LONP1: variants seen among roughly 807,000 people sequenced by gnomAD.
The protein encoded by LONP1 is lon peptidase 1, mitochondrial, also known as lon protease homolog, mitochondrial.
A neutral mutation model predicts 98.5 loss-of-function variants in LONP1; 31 were observed. That is an observed-to-expected ratio of 0.31 (90% CI 0.24 to 0.42). LONP1 has a LOEUF of 0.42. LONP1 is among the 20% of genes least tolerant of loss of function. The pLI is 1.00. For missense variants in LONP1, 1,336 were observed against 1,350.6 expected (o/e 0.99, Z 0.17); for synonymous variants, 781 against 594.7 (o/e 1.31, Z -4.56).
intron 8 of LONP1, among the ~76,000 whole-genome samples, chr19:5,705,278 G>A (rs2055125949): frequency 6.6e-6 from 1 of 152,028 alleles, no homozygotes; most frequent in South Asian, 2.1e-4. Flanking sequence ...ACAACATGGT[G>A]AAACCCCATG....
intron 10 of LONP1, among the ~76,000 whole-genome samples, chr19:5,697,486 G>A (rs917081104): frequency 8.0e-5 from 12 of 149,736 alleles, no homozygotes; most frequent in Non-Finnish European, 1.3e-4. Flanking sequence ...AGGAGGCCAT[G>A]AGGCTGAGGC....
chr19:5,702,254 G>C (rs1363369325), intron 8 of LONP1, among the ~76,000 whole-genome samples: 2 of 34,312 alleles, frequency 5.8e-5, no homozygotes, highest in Non-Finnish European at 1.0e-4. Flanking sequence ...AGGGAGGTTG[G>C]GGGGGGGGTC....
At chr19:5,702,549 G>T (rs978276492) in intron 8 of LONP1, among the ~76,000 whole-genome samples, 1 of 150,758 alleles carries the variant, frequency 6.6e-6, no homozygotes, top group Non-Finnish European at 1.5e-5. Flanking sequence ...CATTGAGAAC[G>T]GGCCATGATG....
In LONP1 at chr19:5,696,697, C is replaced by T. The variant is rs138649872; in HGVS notation, c.1746G>A (p.Thr582=). 226 of 1,613,546 alleles carry T rather than the reference C, an allele frequency of 1.4e-4. No individual in the cohort carries two copies. Among genetic ancestry groups the T allele is most frequent in the Non-Finnish European group, 1.8e-4 (213 of 1,179,956 alleles). The change falls in exon 11 of 18, where the codon ACG becomes ACA. Residue 582 remains threonine, a synonymous_variant. Coordinates refer to ENST00000360614, the MANE Select transcript of LONP1 (RefSeq NM_004793.4). Reference sequence around the variant, plus strand: ...CGTCGATGAGGATCAGGGGGTTCTCCGTCTTGGTCTTCTTCAAACACTGGA... The same window carrying T: ...CGTCGATGAGGATCAGGGGGTTCTCTGTCTTGGTCTTCTTCAAACACTGGA... ...KIIQCLKKTK[T]ENPLILIDEV...
chr19:5,697,494 GGCAGAGGGAGGAGGGGGGGAGA>G (rs1568314228), intron 10 of LONP1, among the ~76,000 whole-genome samples: 6 of 148,382 alleles, frequency 4.0e-5, no homozygotes, highest in Non-Finnish European at 1.5e-5. Context: ...ATGAGGCTGA[GGCAGAGGGAGGAGGGGGGGAGA>G]GAAGAGGGAG....
Position 5,692,109 on chromosome 19 carries a change from A to C in LONP1, c.2803T>G (p.Phe935Val). ...AAGATCTCCCGGTAGTGTTCCACGA[A>C]GTGCACCTCCAGGCCCTCGGTGATG... ...AFITEGLEVH[F>V]VEHYREIFDI... Residue 935 changes from phenylalanine to valine, a missense_variant, in exon 18 of 18, where the codon TTC (phenylalanine) becomes GTC (valine). This residue lies in a region of LONP1 where 555 missense variants were observed against 542.6 expected (regional missense o/e 1.02). Coordinates refer to ENST00000360614, the MANE Select transcript of LONP1 (RefSeq NM_004793.4). 6.2e-7 allele frequency: 1 copy of C among 1,603,852 alleles called. No individual in the cohort carries two copies. Among genetic ancestry groups the C allele is most frequent in the Non-Finnish European group, 8.5e-7 (1 of 1,173,474 alleles).
Position 5,694,709 on chromosome 19 carries a change from G to A in LONP1, c.2154+52C>T, listed in dbSNP as rs886965877. 94 of 1,576,984 alleles carry A rather than the reference G, an allele frequency of 6.0e-5. No homozygotes were observed. The Middle Eastern group carries it at 6.5e-4, about 11-fold the overall frequency. On this transcript the variant is annotated intron_variant, in intron 14 of 17. Transcript: ENST00000360614. ...GGCATGGAAAGGTGGGGTGATCAGC[G>A]TGGGATGGTGAGGTGGGCGGCAGGT...
At chr19:5,693,239 C>T in intron 17 of LONP1, 59 bp downstream of exon 17, 1 of 1,556,230 alleles carries the variant, frequency 6.4e-7, no homozygotes, top group South Asian at 1.2e-5. Context: ...GGGGACTGGG[C>T]CTGTCCCGTG....
Position 5,693,803 on chromosome 19 carries a change from C to T in LONP1, c.2321-34G>A, listed in dbSNP as rs2054875581. 5 of 1,584,244 alleles carry T rather than the reference C, an allele frequency of 3.2e-6. No homozygotes were observed. The East Asian group carries it at 1.1e-4, about 36-fold the overall frequency. ...GGTGTGGAGCTGTGAACACGGGAGG[C>T]CTCGGAGCCCAGGCCGGTGCTCACT... On this transcript the variant is annotated intron_variant, in intron 15 of 17. Transcript: ENST00000360614.
chr19:5,698,449 C>T (rs908029129), intron 10 of LONP1, among the ~76,000 whole-genome samples: 4 of 152,234 alleles, frequency 2.6e-5, no homozygotes, highest in South Asian at 2.1e-4. Context: ...AAGCCGCGCC[C>T]GGCTGCCCAC....
At chr19:5,703,296 G>A (rs1205813050) in intron 8 of LONP1, among the ~76,000 whole-genome samples, 1 of 152,204 alleles carries the variant, frequency 6.6e-6, no homozygotes, top group Non-Finnish European at 1.5e-5. Flanking sequence ...GACGGCACTG[G>A]CTTCTGCCCA....
intron 8 of LONP1, 106 bp from the exon 9 acceptor site, chr19:5,701,033 G>T (rs895668541): frequency 3.1e-6 from 4 of 1,309,196 alleles, no homozygotes; most frequent in Admixed American, 1.7e-5. Flanking sequence ...CATGTGTGGG[G>T]CTGAGCGCGG....
At chr19:5,708,501 C>A (rs1691479532) in intron 4 of LONP1, 98 bp from the exon 5 acceptor site, 2 of 904,130 alleles carry the variant, frequency 2.2e-6, no homozygotes, top group Admixed American at 2.1e-5. Flanking sequence ...CCACCAGCTC[C>A]ATCAACTCCC....
rs564531711 is a variant in LONP1 at position 5,713,854 on chromosome 19, C to T, written c.518+329G>A. ...CTGGGATTACAGGTGTGCGACCCCA[C>T]GCCCGGCCCATGGAACTCATTTCTA... is the stretch of plus-strand genomic sequence containing the variant. On this transcript the variant is annotated intron_variant, in intron 2 of 17. Coordinates refer to ENST00000360614, the MANE Select transcript of LONP1 (RefSeq NM_004793.4). Among the ~76,000 whole-genome samples the T allele has an allele frequency of 7.9e-5, 12 of 152,260 alleles. 1 individual carries two copies. The highest frequency in any genetic ancestry group is 5.9e-4 in the Admixed American group (9 of 15,290).
intron 9 of LONP1, among the ~76,000 whole-genome samples, chr19:5,700,506 T>G (rs867784182): frequency 6.6e-6 from 1 of 152,152 alleles, no homozygotes; most frequent in Non-Finnish European, 1.5e-5. Context: ...AGCCTCAACT[T>G]CCTGGGCTCA....
Position 5,696,336 on chromosome 19 carries a change from C to T in LONP1, c.1809G>A (p.Pro603=), listed in dbSNP as rs779839529. 27 of 1,613,170 alleles carry T rather than the reference C, an allele frequency of 1.7e-5. No homozygotes were observed. Among genetic ancestry groups the T allele is most frequent in the Non-Finnish European group, 2.0e-5 (24 of 1,179,898 alleles). The part of the protein sequence containing the change: ...DKIGRGYQGD[P]SSALLELLDP... The stretch of plus-strand genomic sequence containing the variant: ...CCAGCAGCTCCAGCAGTGCCGACGA[C>T]GGGTCCCCCTGGTAGCCTCGGCCGA... Residue 603 remains proline (P), a synonymous_variant, in exon 12 of 18, where the codon CCG becomes CCA. Transcript: ENST00000360614.
intron 11 of LONP1, 135 bp from the exon 12 acceptor site, chr19:5,696,506 G>T: frequency 1.0e-5 from 14 of 1,334,672 alleles, no homozygotes; most frequent in Non-Finnish European, 1.4e-5. Flanking sequence ...CGGGCAGCCT[G>T]CTGGGCGTGG....
intron 4 of LONP1, 59 bp downstream of exon 4, chr19:5,711,712 G>C (rs2055239462): frequency 6.9e-7 from 1 of 1,441,354 alleles, no homozygotes; most frequent in Non-Finnish European, 9.6e-7. Context: ...CGCAGGAACG[G>C]CTCAAGGGAG....
intron 8 of LONP1, among the ~76,000 whole-genome samples, chr19:5,704,410 A>G (rs1281034792): frequency 3.9e-5 from 6 of 152,124 alleles, no homozygotes; most frequent in Non-Finnish European, 7.4e-5. Context: ...TTCGCGCGCA[A>G]CCAGTGCCTC....
Sources: allele counts gnomAD v4.1 joint callset (sites outside exome capture counted in the v4.1 genomes callset), GRCh38; gene constraint gnomAD v4.1.1; regional missense constraint gnomAD v4.1.1; transcripts MANE v1.5; gene names NCBI Gene and HGNC (gene_info 2026-07-23, HGNC 2026-07-21).